MAML3: variants seen among roughly 807,000 people sequenced by gnomAD.
The protein encoded by MAML3 is mastermind like transcriptional coactivator 3.
In MAML3, 27 loss-of-function variants were observed where a neutral mutation model predicts 101.9. The observed-to-expected ratio is 0.27, with a 90% CI of 0.20 to 0.37. MAML3 has a LOEUF of 0.37. Ranked by LOEUF, MAML3 falls within the 10% of genes least tolerant of loss-of-function variation. MAML3 has a pLI of 1.00. For missense variants in MAML3, 1,316 were observed against 1,444.9 expected (o/e 0.91, Z 1.45); for synonymous variants, 501 against 555.9 (o/e 0.90, Z 1.39).
chr4:139,979,188 A>G (rs1028717500), intron 1 of MAML3, among the ~76,000 whole-genome samples: 9 of 152,250 alleles, frequency 5.9e-5, no homozygotes, highest in African/African-American at 2.2e-4. Flanking sequence ...ACTAAGGATT[A>G]GAATGATTTG....
chr4:139,801,790 A>G (rs977612712), intron 2 of MAML3, among the ~76,000 whole-genome samples: 1 of 152,036 alleles, frequency 6.6e-6, no homozygotes, highest in African/African-American at 2.4e-5. Context: ...AGACAGAATG[A>G]CTAAGGTGGG....
At chr4:139,902,704 G>C (rs1308710040) in intron 1 of MAML3, among the ~76,000 whole-genome samples, 1 of 152,196 alleles carries the variant, frequency 6.6e-6, no homozygotes, top group Non-Finnish European at 1.5e-5. Context: ...GGGCAAAGCG[G>C]CTCGGCTTCA....
At chr4:140,103,662 G>GA (rs1728287242) in intron 1 of MAML3, among the ~76,000 whole-genome samples, 1 of 152,134 alleles carries the variant, frequency 6.6e-6, no homozygotes, top group Non-Finnish European at 1.5e-5. Flanking sequence ...TAAAAGACAG[G>GA]AAAAATCAAA....
intron 1 of MAML3, among the ~76,000 whole-genome samples, chr4:139,908,312 T>C (rs1006271327): frequency 6.6e-6 from 1 of 152,256 alleles, no homozygotes; most frequent in Non-Finnish European, 1.5e-5. Context: ...AGTTTGTCTA[T>C]CACTATTTCT....
chr4:140,051,292 T>G (rs572273046), intron 1 of MAML3, among the ~76,000 whole-genome samples: 1 of 152,156 alleles, frequency 6.6e-6, no homozygotes, highest in Non-Finnish European at 1.5e-5. Context: ...CAATGGCTCA[T>G]GCCTGTAATC....
At chr4:140,134,257 C>A in intron 1 of MAML3, 1 of 456,704 alleles carries the variant, frequency 2.2e-6, no homozygotes, top group Non-Finnish European at 4.4e-6. Flanking sequence ...AACTTTGACT[C>A]GTATAAACAC....
At chr4:140,089,996 G>A (rs1728016929) in intron 1 of MAML3, among the ~76,000 whole-genome samples, 2 of 152,168 alleles carry the variant, frequency 1.3e-5, no homozygotes, top group South Asian at 4.1e-4. Context: ...ACATTTTACT[G>A]GATGTGAATT....
At chr4:140,046,294 T>C (rs942708146) in intron 1 of MAML3, among the ~76,000 whole-genome samples, 2 of 152,180 alleles carry the variant, frequency 1.3e-5, no homozygotes, top group Admixed American at 1.3e-4. Flanking sequence ...GTGGCTAGTT[T>C]TGTGAGAATG....
At chr4:139,740,109 C>T (rs1729109589) in intron 2 of MAML3, 2 of 152,158 alleles carry the variant, frequency 1.3e-5, no homozygotes, top group Admixed American at 6.5e-5. Flanking sequence ...TCCTAAGTCC[C>T]AGAGGAAGGG....
At chr4:139,993,042 C>G (rs576951621) in intron 1 of MAML3, among the ~76,000 whole-genome samples, 38 of 152,236 alleles carry the variant, frequency 2.5e-4, no homozygotes, top group African/African-American at 8.7e-4. Flanking sequence ...TATTTGGCTG[C>G]AAGAGTGTTT....
At chr4:139,852,405 T>G (rs1731574392) in intron 2 of MAML3, among the ~76,000 whole-genome samples, 1 of 72,374 alleles carries the variant, frequency 1.4e-5, no homozygotes, top group African/African-American at 5.6e-5. Context: ...AGAAGACTGT[T>G]TTTTTTTTTT....
At chr4:139,933,093 C>CCT (rs1733433994) in intron 1 of MAML3, among the ~76,000 whole-genome samples, 1 of 151,370 alleles carries the variant, frequency 6.6e-6, no homozygotes. Context: ...CTAAGAAATT[C>CCT]CTATGAGGAG....
At chr4:139,749,550 A>AG (rs1357549710) in intron 2 of MAML3, among the ~76,000 whole-genome samples, 4 of 152,142 alleles carry the variant, frequency 2.6e-5, no homozygotes, top group Admixed American at 6.5e-5. Flanking sequence ...GTAACTGTCA[A>AG]GGGGGTGGGG....
At chr4:139,914,790 T>TC (rs1208720211) in intron 1 of MAML3, among the ~76,000 whole-genome samples, 13 of 152,200 alleles carry the variant, frequency 8.5e-5, no homozygotes, top group Non-Finnish European at 1.9e-4. Flanking sequence ...CTTGTCTTTT[T>TC]CCCCAGAATT....
intron 1 of MAML3, among the ~76,000 whole-genome samples, chr4:140,135,859 T>C (rs185907990): frequency 6.6e-6 from 1 of 152,352 alleles, no homozygotes; most frequent in African/African-American, 2.4e-5. Flanking sequence ...TTCTGGGAAT[T>C]CAAATCAGTG....
rs538942646 is a variant in MAML3 at position 140,007,048 on chromosome 4, T to C, written c.469-116081A>G. On this transcript the variant is annotated intron_variant, in intron 1 of 4. Transcript: ENST00000509479. Reference sequence around the variant, plus strand: ...TAGGTGATAGTTTTGAAAAGGAATCTGAGTCCACATATCCTATAACATAGG... The same window carrying C: ...TAGGTGATAGTTTTGAAAAGGAATCCGAGTCCACATATCCTATAACATAGG... Among the ~76,000 whole-genome samples the C allele has an allele frequency of 8.5e-5, 13 of 152,338 alleles. No homozygotes were observed. The South Asian group carries it at 2.7e-3, about 32-fold the overall frequency.
intron 1 of MAML3, among the ~76,000 whole-genome samples, chr4:139,971,195 T>A (rs1734228926): frequency 7.2e-6 from 1 of 138,826 alleles, no homozygotes; most frequent in Non-Finnish European, 1.6e-5. Context: ...CTCTAATTAC[T>A]AACTCTTCTC....
At chr4:139,851,574 C>T (rs1560813940) in intron 2 of MAML3, among the ~76,000 whole-genome samples, 1 of 152,222 alleles carries the variant, frequency 6.6e-6, no homozygotes, top group African/African-American at 2.4e-5. Context: ...GTTTTCTAAA[C>T]AGAGGACCAT....
intron 1 of MAML3, among the ~76,000 whole-genome samples, chr4:139,911,447 A>G (rs1341974404): frequency 1.3e-5 from 2 of 152,138 alleles, no homozygotes; most frequent in African/African-American, 4.8e-5. Flanking sequence ...TGAACTCCTG[A>G]GCTCAGGCAA....
Sources: allele counts gnomAD v4.1 joint callset (sites outside exome capture counted in the v4.1 genomes callset), GRCh38; gene constraint gnomAD v4.1.1; transcripts MANE v1.5; gene names NCBI Gene and HGNC (gene_info 2026-07-23, HGNC 2026-07-21).